Variants in FAM135A observed in about 807,000 individuals in gnomAD.
FAM135A encodes the protein family with sequence similarity 135 member A.
FAM135A carries 79 observed loss-of-function variants against 146.8 expected under a neutral mutation model. The ratio of observed to expected loss-of-function variants is 0.54; its 90% CI spans 0.45 to 0.65. The LOEUF is 0.65. Ranked by LOEUF, FAM135A falls within the 30% of genes least tolerant of loss-of-function variation. FAM135A has a pLI of 0.00. For synonymous variants in FAM135A, 562 were observed against 603.6 expected (o/e 0.93, Z 1.01); for missense variants, 1,623 against 1,758.2 (o/e 0.92, Z 1.38).
At chr6:70,435,973 C>G (rs1773028928) in intron 4 of FAM135A, among the ~76,000 whole-genome samples, 1 of 152,140 alleles carries the variant, frequency 6.6e-6, no homozygotes, top group African/African-American at 2.4e-5. Flanking sequence ...CACCTGAGGT[C>G]AGGAGTTCGA....
Position 70,560,124 on chromosome 6 carries a change from AT to A in FAM135A, c.*207del. 1 of 492,372 alleles carries A rather than the reference AT, an allele frequency of 2.0e-6. No homozygotes were observed. Among genetic ancestry groups the A allele is most frequent in the South Asian group, 3.1e-5 (1 of 31,912 alleles). 30.5% of individuals were successfully genotyped at this position (492,372 alleles called of 1,614,324 possible). ...AATGTGGCTGTGCAATATTTTTTTA[AT>A]TTTATCTTTTTACTTTTCTATTACT... On this transcript the variant is annotated 3_prime_UTR_variant, in exon 22 of 22. Transcript: ENST00000418814.
At chr6:70,533,665 C>A in intron 17 of FAM135A, 92 bp from the exon 18 acceptor site, 1 of 747,734 alleles carries the variant, frequency 1.3e-6, no homozygotes, top group Non-Finnish European at 2.1e-6. Context: ...ACCATACTTT[C>A]AGTACCTAAA....
At position 70,522,455 on chromosome 6, in the gene FAM135A, G is replaced by C; in HGVS notation, c.1030-58G>C. On this transcript the variant is annotated intron_variant, in intron 12 of 21. Coordinates refer to ENST00000418814, the MANE Select transcript of FAM135A (RefSeq NM_001162529.3). The stretch of plus-strand genomic sequence containing the variant: ...GCAGTTTCTCTCCTTACCATAAGAT[G>C]CCGGATTGACTTTTTAAATACGTCA... The C allele has an allele frequency of 5.4e-6, 8 of 1,480,204 alleles. 1 individual carries two copies. The South Asian group carries it at 9.2e-5, about 17-fold the overall frequency. 91.7% of individuals were successfully genotyped at this position (1,480,204 alleles called of 1,614,324 possible).
chr6:70,506,738 C>CTTTTTTTTTTTTTATTTTTTTTTTTTT (rs1789859386), intron 12 of FAM135A, among the ~76,000 whole-genome samples: 2 of 133,078 alleles, frequency 1.5e-5, no homozygotes, highest in Non-Finnish European at 1.6e-5. Context: ...TTTGTTTTTT[C>CTTTTTTTTTTTTTATTTTTTTTTTTTT]TTTTTTTTTT....
intron 10 of FAM135A, among the ~76,000 whole-genome samples, 198 bp downstream of exon 10, chr6:70,482,352 A>G (rs1783889948): frequency 1.3e-5 from 2 of 151,942 alleles, no homozygotes; most frequent in Non-Finnish European, 2.9e-5. Context: ...AATACTAAAA[A>G]ATAACTTCTT....
At chr6:70,557,163 A>C in intron 21 of FAM135A, 1 of 481,952 alleles carries the variant, frequency 2.1e-6, no homozygotes, top group Non-Finnish European at 3.7e-6. Flanking sequence ...CATCCTTGTC[A>C]TATGTTCTGC....
chr6:70,502,652 A>T lies in FAM135A; in HGVS notation c.890A>T (p.Asp297Val), dbSNP rs1475725236. The change falls in exon 12 of 22, where the codon GAT becomes GTT. Residue 297 changes from aspartate to valine, a missense_variant. Physicochemically the swap from Asp to Val is radical, Grantham distance 152. Coordinates refer to ENST00000418814, the MANE Select transcript of FAM135A (RefSeq NM_001162529.3). Reference protein sequence around the residue: ...CEEVKKIENPDELAELINMNL... With the variant: ...CEEVKKIENPVELAELINMNL... Reference sequence around the variant, plus strand: ...TCATTTCAGAAAATAGAGAATCCTGATGAACTGGCAGAACTTATAAATATG... The same window carrying T: ...TCATTTCAGAAAATAGAGAATCCTGTTGAACTGGCAGAACTTATAAATATG... The T allele has an allele frequency of 6.2e-7, 1 of 1,609,954 alleles. No individual in the cohort carries two copies. The highest frequency in any genetic ancestry group is 1.1e-5 in the South Asian group (1 of 89,806).
At chr6:70,558,613 T>C (rs1169979524) in intron 21 of FAM135A, among the ~76,000 whole-genome samples, 1 of 152,006 alleles carries the variant, frequency 6.6e-6, no homozygotes, top group African/African-American at 2.4e-5. Flanking sequence ...ACTCTGAGAC[T>C]AGCTTGGGCA....
At chr6:70,433,199 C>T (rs1441961356) in intron 4 of FAM135A, among the ~76,000 whole-genome samples, 1 of 151,790 alleles carries the variant, frequency 6.6e-6, no homozygotes, top group African/African-American at 2.4e-5. Flanking sequence ...CTCAGCCTTC[C>T]GAGTAGCTGG....
intron 5 of FAM135A, among the ~76,000 whole-genome samples, chr6:70,455,919 T>C (rs1778269866): frequency 6.6e-6 from 1 of 152,154 alleles, no homozygotes; most frequent in African/African-American, 2.4e-5. Context: ...TGGTGCGATC[T>C]CGGCTCACTG....
intron 13 of FAM135A, among the ~76,000 whole-genome samples, chr6:70,523,506 C>T (rs979040058): frequency 2.6e-5 from 4 of 152,046 alleles, no homozygotes; most frequent in Admixed American, 1.3e-4. Context: ...GAAAATTATA[C>T]ATCTTGTTTT....
At chr6:70,427,487 G>A (rs888811595) in intron 3 of FAM135A, among the ~76,000 whole-genome samples, 3 of 150,388 alleles carry the variant, frequency 2.0e-5, no homozygotes, top group Admixed American at 6.6e-5. Flanking sequence ...AGCCGAGAGC[G>A]CGCCACTGCA....
rs58605827 is a variant in FAM135A at position 70,484,810 on chromosome 6, A to G, written c.823+2656A>G. On this transcript the variant is annotated intron_variant, in intron 10 of 21. Coordinates refer to ENST00000418814, the MANE Select transcript of FAM135A (RefSeq NM_001162529.3). ...AGGCCACAGACAAGTACCAGTCCAC[A>G]GTCTGGGTGTTGGGGTTAGACAGTG... Among the ~76,000 whole-genome samples the G allele has an allele frequency of 4.1e-3, 618 of 152,300 alleles. 3 individuals are homozygous for G. Among genetic ancestry groups the G allele is most frequent in the African/African-American group, 0.014 (598 of 41,568 alleles).
rs527423803 is a variant in FAM135A at position 70,468,375 on chromosome 6, G to A, written c.158-7035G>A. 1.6e-4 allele frequency among the ~76,000 whole-genome samples: 24 copies of A among 152,204 alleles called. 1 individual carries two copies. The South Asian group carries it at 5.0e-3, about 32-fold the overall frequency. On this transcript the variant is annotated intron_variant, in intron 5 of 21. Coordinates refer to ENST00000418814, the MANE Select transcript of FAM135A (RefSeq NM_001162529.3). Reference sequence around the variant, plus strand: ...AATGGACAGTGCAAAAGTTACATAGGTTTTCTTATAGCTACCCTTATAAAA... The same window carrying A: ...AATGGACAGTGCAAAAGTTACATAGATTTTCTTATAGCTACCCTTATAAAA...
chr6:70,530,466 T>G (rs1028465370), intron 16 of FAM135A, among the ~76,000 whole-genome samples: 1 of 152,182 alleles, frequency 6.6e-6, no homozygotes, highest in Non-Finnish European at 1.5e-5. Context: ...AAATATCAGG[T>G]AAAATAAAAA....
intron 12 of FAM135A, among the ~76,000 whole-genome samples, chr6:70,506,121 G>T (rs77953268): frequency 0.011 from 1,616 of 152,208 alleles, 35 homozygotes; most frequent in East Asian, 0.074. Flanking sequence ...ATGAATTGTG[G>T]TAATAGTATC....
At chr6:70,442,615 G>T (rs1221704647) in intron 4 of FAM135A, among the ~76,000 whole-genome samples, 1 of 151,624 alleles carries the variant, frequency 6.6e-6, no homozygotes, top group Non-Finnish European at 1.5e-5. Context: ...CTTACACAAA[G>T]GTAGCATAGG....
At chr6:70,466,764 A>T (rs1582329353) in intron 5 of FAM135A, among the ~76,000 whole-genome samples, 3 of 152,362 alleles carry the variant, frequency 2.0e-5, no homozygotes, top group East Asian at 3.9e-4. Flanking sequence ...TCATCAGATG[A>T]TCTAGGCTAG....
At chr6:70,466,497 G>A (rs1487836758) in intron 5 of FAM135A, among the ~76,000 whole-genome samples, 1 of 152,104 alleles carries the variant, frequency 6.6e-6, no homozygotes, top group Non-Finnish European at 1.5e-5. Context: ...GTTGAACAGA[G>A]TCTCTGGGTT....
Sources: gnomAD v4.1 joint callset for allele counts (sites outside exome capture counted in the v4.1 genomes callset) on GRCh38, gnomAD v4.1.1 for gene constraint, MANE v1.5 for transcripts, NCBI Gene and HGNC (gene_info 2026-07-23, HGNC 2026-07-21) for gene names.